The following PTPRT variants were observed in gnomAD, a reference collection of about 807,000 sequenced individuals.
PTPRT encodes the protein protein tyrosine phosphatase receptor type T.
PTPRT carries 56 observed loss-of-function variants against 176.8 expected under a neutral mutation model. The observed-to-expected ratio is 0.32, with a 90% CI of 0.26 to 0.40. PTPRT has a LOEUF of 0.40. Among genes scored for constraint, PTPRT ranks in the 10% least tolerant of loss-of-function variants. The pLI, the probability that PTPRT is intolerant of heterozygous loss-of-function variation, is 1.00. For synonymous variants in PTPRT, 783 were observed against 739.0 expected, an observed-to-expected ratio of 1.06 and a Z score of -0.96; for missense variants, 1,540 against 1,908.2, an observed-to-expected ratio of 0.81 and a Z score of 3.60.
chr20:42,573,439 T>C (rs1365512824), intron 7 of PTPRT, among the ~76,000 whole-genome samples: 2 of 152,138 alleles, frequency 1.3e-5, no homozygotes, highest in African/African-American at 4.8e-5. Flanking sequence ...CAGAGAGGGA[T>C]TGTCCTTGGC....
At chr20:42,221,387 T>C (rs961836430) in intron 15 of PTPRT, among the ~76,000 whole-genome samples, 2 of 152,194 alleles carry the variant, frequency 1.3e-5, no homozygotes, top group Non-Finnish European at 2.9e-5. Context: ...GGGTAATTTA[T>C]AAACAAAAGA....
At chr20:42,680,386 C>T (rs2075582752) in intron 6 of PTPRT, among the ~76,000 whole-genome samples, 1 of 152,198 alleles carries the variant, frequency 6.6e-6, no homozygotes, top group Non-Finnish European at 1.5e-5. Context: ...ACCTTGTTAT[C>T]TCAAAGGTGT....
At chr20:42,608,503 G>A (rs943197072) in intron 7 of PTPRT, among the ~76,000 whole-genome samples, 2 of 152,188 alleles carry the variant, frequency 1.3e-5, no homozygotes. Context: ...ATGCTGGGAT[G>A]TTCCAACATA....
At chr20:42,623,774 T>C (rs1168456003) in intron 7 of PTPRT, among the ~76,000 whole-genome samples, 2 of 151,632 alleles carry the variant, frequency 1.3e-5, no homozygotes, top group African/African-American at 4.8e-5. Flanking sequence ...TTTCCTGAAC[T>C]CTGAGTCCTG....
chr20:42,999,606 G>C (rs575861983), intron 1 of PTPRT, among the ~76,000 whole-genome samples: 1 of 141,140 alleles, frequency 7.1e-6, no homozygotes, highest in Admixed American at 7.1e-5. Flanking sequence ...AAAAACTTGT[G>C]GTTTTTTTTT....
intron 1 of PTPRT, among the ~76,000 whole-genome samples, chr20:42,886,403 T>C (rs2145872122): frequency 6.6e-6 from 1 of 152,248 alleles, no homozygotes; most frequent in Middle Eastern, 3.4e-3. Context: ...CTCCGTTTCC[T>C]CACCTATGAT....
At position 42,450,067 on chromosome 20, in the gene PTPRT, G is replaced by A. The variant is rs62203503; in HGVS notation, c.1451-1738C>T. 1.1e-3 allele frequency among the ~76,000 whole-genome samples: 168 copies of A among 152,148 alleles called. 1 individual carries two copies. Among genetic ancestry groups the A allele is most frequent in the Non-Finnish European group, 2.0e-3 (138 of 68,002 alleles). ...TTCTCTGGGGCCATACATTTCTCTG[G>A]GGCCATGCATTTTAATGGCTGCTTA... On this transcript the variant is annotated intron_variant, in intron 8 of 30. Transcript: ENST00000373187.
chr20:42,244,960 C>T (rs2056422916), intron 14 of PTPRT, among the ~76,000 whole-genome samples: 2 of 152,090 alleles, frequency 1.3e-5, no homozygotes, highest in South Asian at 4.1e-4. Flanking sequence ...GGGAGGATGT[C>T]TAACAGTTCT....
chr20:42,454,040 T>C lies in PTPRT; in HGVS notation c.1451-5711A>G, dbSNP rs191207736. On this transcript the variant is annotated intron_variant, in intron 8 of 30. Coordinates refer to ENST00000373187, the MANE Select transcript of PTPRT (RefSeq NM_007050.6). ...CATTCTCTTCATTTTTATTCGGAGT[T>C]CTAAATATATACATATATCCCAAGA... 1.6e-3 allele frequency among the ~76,000 whole-genome samples: 238 copies of C among 152,192 alleles called. 1 individual carries two copies. The highest frequency in any genetic ancestry group is 5.5e-3 in the African/African-American group (229 of 41,532).
chr20:42,633,972 AATATATTATATATTATATTATATATATT>A (rs2074496516), intron 7 of PTPRT, among the ~76,000 whole-genome samples: 3 of 29,404 alleles, frequency 1.0e-4, no homozygotes, highest in African/African-American at 5.7e-4. Context: ...AATATATTAT[AATATATTATATATTATATTATATATATT>A]ATATATATAT....
rs888863532 is a variant in PTPRT, at chr20:42,757,465, C to G, written c.685-829G>C. On this transcript the variant is annotated intron_variant, in intron 5 of 30. Transcript: ENST00000373187. ...GGGATGGGAGCCTTCCAACACCTCT[C>G]TTCCTTGGCACATGCTCTTTTCTCT... Among the ~76,000 whole-genome samples, 13 of 152,306 alleles carry G rather than the reference C, an allele frequency of 8.5e-5. No individual in the cohort carries two copies. The Middle Eastern group carries it at 0.01, about 120-fold the overall frequency.
Position 42,999,304 on chromosome 20 carries a change from C to A in PTPRT, c.89-113372G>T, listed in dbSNP as rs372340212. On this transcript the variant is annotated intron_variant, in intron 1 of 30. Coordinates refer to ENST00000373187, the MANE Select transcript of PTPRT (RefSeq NM_007050.6). ...GTCAAAAAGCAAACAGTCATTATTT[C>A]CACATGGCGGGATTATAAGGGGTTT... Among the ~76,000 whole-genome samples the A allele has an allele frequency of 1.4e-4, 22 of 152,246 alleles. No individual in the cohort carries two copies. In the South Asian group the frequency reaches 4.6e-3, roughly 32 times the overall value.
intron 9 of PTPRT, among the ~76,000 whole-genome samples, chr20:42,380,036 C>T (rs182190654): frequency 5.3e-4 from 81 of 152,266 alleles, no homozygotes; most frequent in African/African-American, 1.9e-3. Flanking sequence ...CCCATGAGTT[C>T]GATAGTCAAT....
Position 42,470,801 on chromosome 20 carries a change from T to C in PTPRT, c.1450+1465A>G, listed in dbSNP as rs193013620. Among the ~76,000 whole-genome samples, 32 of 151,774 alleles carry C rather than the reference T, an allele frequency of 2.1e-4. No individual in the cohort carries two copies. In the East Asian group the frequency reaches 4.1e-3, roughly 20 times the overall value. Reference sequence around the variant, plus strand: ...GTCATTCCAAGCAGGAGAAATGGCATGGGTAAGGACAGAGAGGCAGGAAAA... The same window carrying C: ...GTCATTCCAAGCAGGAGAAATGGCACGGGTAAGGACAGAGAGGCAGGAAAA... On this transcript the variant is annotated intron_variant, in intron 8 of 30. Transcript: ENST00000373187.
At chr20:42,115,349 A>G in intron 21 of PTPRT, 34 bp from the exon 22 acceptor site, 5 of 1,515,008 alleles carry the variant, frequency 3.3e-6, no homozygotes, top group Non-Finnish European at 4.6e-6. Flanking sequence ...ACAGAGACAG[A>G]ACAGAGACAA....
intron 7 of PTPRT, among the ~76,000 whole-genome samples, chr20:42,611,993 C>G (rs889116918): frequency 2.6e-5 from 4 of 152,112 alleles, no homozygotes; most frequent in Non-Finnish European, 5.9e-5. Context: ...CCCTAAACAA[C>G]CTAGCACCTC....
chr20:42,513,929 G>A (rs2072009983), intron 7 of PTPRT, among the ~76,000 whole-genome samples: 1 of 152,146 alleles, frequency 6.6e-6, no homozygotes, highest in Admixed American at 6.6e-5. Flanking sequence ...AACAGTATGT[G>A]TGGAATTCAT....
intron 1 of PTPRT, among the ~76,000 whole-genome samples, chr20:43,045,809 C>T (rs1054992414): frequency 9.2e-5 from 14 of 151,798 alleles, no homozygotes; most frequent in Admixed American, 4.6e-4. Context: ...AAGAAGGACA[C>T]GCATAAGAAT....
chr20:42,184,573 C>CTTCTTCTTCTTCT (rs1990673098), intron 16 of PTPRT, among the ~76,000 whole-genome samples: 1 of 136,628 alleles, frequency 7.3e-6, no homozygotes, highest in African/African-American at 2.8e-5. Context: ...TCTTCTTCTT[C>CTTCTTCTTCTTCT]TTCTTCTTCT....
Sources: allele counts gnomAD v4.1 joint callset (sites outside exome capture counted in the v4.1 genomes callset), GRCh38; gene constraint gnomAD v4.1.1; transcripts MANE v1.5; gene names NCBI Gene and HGNC (gene_info 2026-07-23, HGNC 2026-07-21).